The following GPC5 variants were observed in gnomAD, a reference collection of about 807,000 sequenced individuals.
GPC5 encodes glypican-5.
A neutral mutation model predicts 53.9 loss-of-function variants in GPC5; 47 were observed. The observed-to-expected ratio is 0.87, with a 90% CI of 0.69 to 1.11. The LOEUF (loss-of-function observed/expected upper bound fraction) is 1.11. GPC5 is among the 50% of genes most tolerant of loss of function. The pLI is 0.00. For missense variants in GPC5, 748 were observed against 713.1 expected (o/e 1.05, Z -0.56); for synonymous variants, 286 against 263.3 (o/e 1.09, Z -0.84).
At position 91,835,148 on chromosome 13, in the gene GPC5, C is replaced by G. The variant is rs141716662; in HGVS notation, c.1281-72789C>G. Among the ~76,000 whole-genome samples, 49 of 152,282 alleles carry G rather than the reference C, an allele frequency of 3.2e-4. No homozygotes were observed. The East Asian group carries it at 5.8e-3, about 18-fold the overall frequency. On this transcript the variant is annotated intron_variant, in intron 5 of 7. Transcript: ENST00000377067. ...AGAAACATATGAAATCTCATCATCA[C>G]TGGTCATTAGAGAAATGCATATCAA...
chr13:92,715,280 A>G (rs1258901847), intron 7 of GPC5, among the ~76,000 whole-genome samples: 1 of 152,180 alleles, frequency 6.6e-6, no homozygotes, highest in Admixed American at 6.5e-5. Flanking sequence ...ATGAGACCCT[A>G]GAAGTACTAT....
intron 6 of GPC5, among the ~76,000 whole-genome samples, chr13:92,060,592 G>C (rs1001600641): frequency 3.9e-5 from 6 of 151,960 alleles, no homozygotes; most frequent in Admixed American, 1.3e-4. Flanking sequence ...ACTTGATAAT[G>C]ACACAGAAAA....
At chr13:91,451,286 G>T (rs937607756) in intron 2 of GPC5, among the ~76,000 whole-genome samples, 3 of 152,088 alleles carry the variant, frequency 2.0e-5, no homozygotes, top group African/African-American at 7.2e-5. Flanking sequence ...TATATTGTAG[G>T]TTATAAAAGA....
chr13:91,748,922 G>A (rs2037109944), intron 4 of GPC5, among the ~76,000 whole-genome samples: 1 of 152,150 alleles, frequency 6.6e-6, no homozygotes, highest in African/African-American at 2.4e-5. Context: ...GTATAGGTGT[G>A]TGGGCTTTGG....
intron 6 of GPC5, among the ~76,000 whole-genome samples, chr13:91,931,969 C>A (rs894673046): frequency 6.6e-6 from 1 of 151,964 alleles, no homozygotes; most frequent in Non-Finnish European, 1.5e-5. Flanking sequence ...ACATAACATG[C>A]TATAAACACT....
chr13:92,169,352 T>A (rs1263426606), intron 7 of GPC5, among the ~76,000 whole-genome samples: 16 of 152,198 alleles, frequency 1.1e-4, no homozygotes, highest in Non-Finnish European at 1.8e-4. Context: ...GAATTTGCAA[T>A]CTAACCTTTA....
chr13:92,129,862 A>G (rs1401702867), intron 6 of GPC5, among the ~76,000 whole-genome samples: 1 of 152,176 alleles, frequency 6.6e-6, no homozygotes, highest in Non-Finnish European at 1.5e-5. Flanking sequence ...CTATAACTGA[A>G]TTGGACATAA....
At chr13:91,422,792 G>A (rs1043695457) in intron 1 of GPC5, among the ~76,000 whole-genome samples, 2 of 152,022 alleles carry the variant, frequency 1.3e-5, no homozygotes, top group African/African-American at 4.8e-5. Context: ...ATGAGAGAGA[G>A]CCAATATGGT....
At chr13:91,793,586 T>C (rs1321413143) in intron 5 of GPC5, among the ~76,000 whole-genome samples, 2 of 152,136 alleles carry the variant, frequency 1.3e-5, no homozygotes, top group Non-Finnish European at 2.9e-5. Flanking sequence ...CCACTGAGCA[T>C]CTGTTATCCC....
At chr13:91,530,097 TGC>T (rs1886268217) in intron 2 of GPC5, among the ~76,000 whole-genome samples, 1 of 152,222 alleles carries the variant, frequency 6.6e-6, no homozygotes, top group Non-Finnish European at 1.5e-5. Flanking sequence ...TCTTGGGAAT[TGC>T]TGTACAGTTG....
intron 1 of GPC5, among the ~76,000 whole-genome samples, chr13:91,414,056 C>T (rs987683249): frequency 1.4e-4 from 22 of 152,186 alleles, no homozygotes; most frequent in Non-Finnish European, 4.4e-5. Context: ...CCATTTCCCC[C>T]ACTGCCCCAG....
intron 7 of GPC5, among the ~76,000 whole-genome samples, chr13:92,759,262 T>A (rs999135314): frequency 2.0e-5 from 3 of 151,960 alleles, no homozygotes; most frequent in Admixed American, 2.0e-4. Flanking sequence ...TTGGATTGTT[T>A]TATCTATTTC....
At chr13:92,143,429 T>C (rs2041845299) in intron 6 of GPC5, among the ~76,000 whole-genome samples, 1 of 152,154 alleles carries the variant, frequency 6.6e-6, no homozygotes, top group Non-Finnish European at 1.5e-5. Flanking sequence ...TTCATTGCTG[T>C]ACTATCCCTT....
chr13:91,581,466 T>C (rs1174982374), intron 2 of GPC5, among the ~76,000 whole-genome samples: 1 of 152,182 alleles, frequency 6.6e-6, no homozygotes, highest in Non-Finnish European at 1.5e-5. Flanking sequence ...TCTGGATTCT[T>C]AGTCTTGCTC....
chr13:92,304,455 C>T (rs968830231), intron 7 of GPC5, among the ~76,000 whole-genome samples: 5 of 152,050 alleles, frequency 3.3e-5, no homozygotes, highest in Admixed American at 6.6e-5. Context: ...CCGCCTGCCT[C>T]GGCATCCCAA....
intron 6 of GPC5, among the ~76,000 whole-genome samples, chr13:91,956,069 C>T (rs2040070125): frequency 6.6e-6 from 1 of 152,060 alleles, no homozygotes; most frequent in Non-Finnish European, 1.5e-5. Flanking sequence ...AACATTTCAC[C>T]AGGGGCTTGA....
chr13:92,751,918 G>T (rs914331622), intron 7 of GPC5, among the ~76,000 whole-genome samples: 1 of 151,956 alleles, frequency 6.6e-6, no homozygotes, highest in Non-Finnish European at 1.5e-5. Flanking sequence ...TTTCACTTGC[G>T]CTGGATCTAC....
intron 7 of GPC5, among the ~76,000 whole-genome samples, chr13:92,772,860 T>C (rs1191823360): frequency 6.6e-6 from 1 of 152,134 alleles, no homozygotes; most frequent in Admixed American, 6.5e-5. Context: ...CCAAATAGAG[T>C]TCAGATAAAA....
intron 2 of GPC5, among the ~76,000 whole-genome samples, chr13:91,491,133 C>A (rs903053749): frequency 5.3e-5 from 8 of 152,174 alleles, no homozygotes; most frequent in African/African-American, 1.9e-4. Context: ...ACCATGATCT[C>A]TTCCCCAGCC....
Sources: allele counts gnomAD v4.1 joint callset (sites outside exome capture counted in the v4.1 genomes callset), GRCh38; gene constraint gnomAD v4.1.1; transcripts MANE v1.5; gene names NCBI Gene and HGNC (gene_info 2026-07-23, HGNC 2026-07-21).